EDNRA: variants seen among roughly 807,000 people sequenced by gnomAD.
The protein encoded by EDNRA is endothelin receptor type A, also known as endothelin-1 receptor.
In EDNRA, 11 loss-of-function variants were observed where a neutral mutation model predicts 41.4. That is an observed-to-expected ratio of 0.27 (90% confidence interval 0.17 to 0.44). The LOEUF (loss-of-function observed/expected upper bound fraction) is 0.44. Ranked by LOEUF, EDNRA falls within the 20% of genes least tolerant of loss-of-function variation. The probability of loss-of-function intolerance (pLI) is 1.00; values close to 1 mark genes in which losing one functional copy is unlikely to be tolerated. For missense variants in EDNRA, 294 were observed against 531.0 expected (o/e 0.55, Z 4.39); for synonymous variants, 172 against 183.0 (o/e 0.94, Z 0.49).
intron 2 of EDNRA, among the ~76,000 whole-genome samples, chr4:147,499,381 A>C (rs10024734): frequency 0.052 from 7,886 of 152,248 alleles, 673 homozygotes; most frequent in African/African-American, 0.18. Context: ...GTATTTGAAA[A>C]AAATAAATAA....
intron 2 of EDNRA, among the ~76,000 whole-genome samples, chr4:147,497,149 C>CTTTTT (rs11330586): frequency 8.1e-4 from 61 of 75,056 alleles, no homozygotes; most frequent in African/African-American, 1.5e-3. Flanking sequence ...TAGAATTCTT[C>CTTTTT]TTTTTTTTTT....
chr4:147,523,499 T>G (rs1578804369), intron 3 of EDNRA, among the ~76,000 whole-genome samples: 2 of 148,208 alleles, frequency 1.3e-5, no homozygotes, highest in African/African-American at 2.5e-5. Context: ...TTTTTTTTGT[T>G]TTTTTTTTTG....
chr4:147,506,505 A>G (rs1443978466), intron 2 of EDNRA: 1 of 304,678 alleles, frequency 3.3e-6, no homozygotes, highest in African/African-American at 2.2e-5. Context: ...TAATCAATAC[A>G]ATACTGAATG....
At position 147,542,475 on chromosome 4, in the gene EDNRA, C is replaced by T. The variant is rs373752654; in HGVS notation, c.1144-3C>T. 1 of 1,614,126 alleles carries T rather than the reference C, an allele frequency of 6.2e-7. No homozygotes were observed. ...CTTACTTCGAGTCTGTTCCTTCCCCCAGTCATGCCTCTGCTGCTGCTGTTA... is the reference window on the plus strand; with the variant it reads ...CTTACTTCGAGTCTGTTCCTTCCCCTAGTCATGCCTCTGCTGCTGCTGTTA... On this transcript the variant is annotated splice_region_variant and splice_polypyrimidine_tract_variant and intron_variant, in intron 7 of 7. Coordinates refer to ENST00000651419, the MANE Select transcript of EDNRA (RefSeq NM_001957.4).
chr4:147,505,327 A>ATTTTTTTTTTTTTTTTTTTT lies in EDNRA; in HGVS notation c.421-14515_421-14496dup, dbSNP rs869077171. Among the ~76,000 whole-genome samples the ATTTTTTTTTTTTTTTTTTTT allele has an allele frequency of 2.5e-4, 20 of 79,686 alleles. 1 individual carries two copies. Among genetic ancestry groups the ATTTTTTTTTTTTTTTTTTTT allele is most frequent in the African/African-American group, 6.9e-4 (13 of 18,900 alleles). The allele number at this position is 79,686 out of a possible 152,430, so 52.3% of individuals were successfully genotyped here. A position where few individuals can be genotyped will look rare whatever the true frequency, so the allele number is the denominator to read the frequency against. ...AGAGAGTTTGGCAGTTTCTTTTTTCATTTTTTTTTTTTTTTTTTTTTTTTT... is the reference window on the plus strand; with the variant it reads ...AGAGAGTTTGGCAGTTTCTTTTTTCATTTTTTTTTTTTTTTTTTTTTTTTTTTTTTTTTTTTTTTTTTTTT... On this transcript the variant is annotated intron_variant, in intron 2 of 7. Coordinates refer to ENST00000651419, the MANE Select transcript of EDNRA (RefSeq NM_001957.4).
chr4:147,511,236 T>A (rs1010871032), intron 2 of EDNRA, among the ~76,000 whole-genome samples: 1 of 152,216 alleles, frequency 6.6e-6, no homozygotes, highest in Non-Finnish European at 1.5e-5. Context: ...ATCTGAAGTT[T>A]CATAATATGA....
chr4:147,510,038 G>A (rs956137376), intron 2 of EDNRA, among the ~76,000 whole-genome samples: 1 of 152,060 alleles, frequency 6.6e-6, no homozygotes, highest in Non-Finnish European at 1.5e-5. Flanking sequence ...TCCCATCCAA[G>A]TGTAAAATGC....
chr4:147,499,740 GA>G (rs1729442456), intron 2 of EDNRA, among the ~76,000 whole-genome samples: 1 of 146,128 alleles, frequency 6.8e-6, no homozygotes, highest in Non-Finnish European at 1.5e-5. Flanking sequence ...AGATGATGAA[GA>G]TTTTTCATTT....
At chr4:147,520,158 C>A (rs866644993) in intron 3 of EDNRA, among the ~76,000 whole-genome samples, 180 bp downstream of exon 3, 6 of 152,136 alleles carry the variant, frequency 3.9e-5, no homozygotes, top group African/African-American at 1.2e-4. Context: ...TGATTATTAG[C>A]CATCTTTGGC....
At chr4:147,506,188 C>A in intron 2 of EDNRA, 1 of 526,076 alleles carries the variant, frequency 1.9e-6, no homozygotes, top group Non-Finnish European at 3.8e-6. Context: ...ACTGAGGTGT[C>A]ATTTACTTTG....
chr4:147,518,839 AGAAAG>A (rs1345599724), intron 2 of EDNRA, among the ~76,000 whole-genome samples: 14 of 152,362 alleles, frequency 9.2e-5, no homozygotes, highest in African/African-American at 2.6e-4. Context: ...GCAAAAAATT[AGAAAG>A]GAAATCAATA....
chr4:147,513,061 G>A (rs1034533828), intron 2 of EDNRA, among the ~76,000 whole-genome samples: 2 of 152,138 alleles, frequency 1.3e-5, no homozygotes, highest in East Asian at 1.9e-4. Flanking sequence ...AAAGGTTAAC[G>A]AGCATGCCAA....
intron 2 of EDNRA, among the ~76,000 whole-genome samples, chr4:147,501,167 AT>A (rs1211936315): frequency 6.6e-6 from 1 of 152,224 alleles, no homozygotes; most frequent in Non-Finnish European, 1.5e-5. Flanking sequence ...AATGAAGTAT[AT>A]TTTTCTTAGC....
chr4:147,493,359 T>C (rs1242790733), intron 2 of EDNRA: 1 of 148,130 alleles, frequency 6.8e-6, no homozygotes, highest in Non-Finnish European at 1.5e-5. Flanking sequence ...GAAGTATTTC[T>C]ATAGGGTAGT....
rs869077171 is a variant in EDNRA at position 147,505,327 on chromosome 4, A to ATT, written c.421-14497_421-14496dup. Among the ~76,000 whole-genome samples the ATT allele has an allele frequency of 1.0e-3, 82 of 79,684 alleles. 2 individuals carry two copies. The highest frequency in any genetic ancestry group is 5.3e-3 in the East Asian group (14 of 2,646). 52.3% of individuals were successfully genotyped at this position (79,684 alleles called of 152,430 possible). The stretch of plus-strand genomic sequence containing the variant: ...AGAGAGTTTGGCAGTTTCTTTTTTC[A>ATT]TTTTTTTTTTTTTTTTTTTTTTTTT... On this transcript the variant is annotated intron_variant, in intron 2 of 7. Transcript: ENST00000651419.
chr4:147,508,781 ACTTT>A (rs1336488605), intron 2 of EDNRA, among the ~76,000 whole-genome samples: 6 of 152,114 alleles, frequency 3.9e-5, no homozygotes, highest in Admixed American at 6.5e-5. Flanking sequence ...TTGTATCTGG[ACTTT>A]CTTTCTGGTC....
intron 2 of EDNRA, chr4:147,491,545 T>C (rs1272060264): frequency 2.6e-5 from 4 of 152,270 alleles, no homozygotes; most frequent in South Asian, 2.1e-4. Context: ...ATCTGAGATA[T>C]TCAAATTAAA....
intron 3 of EDNRA, among the ~76,000 whole-genome samples, chr4:147,528,054 G>T (rs1255802171): frequency 6.6e-6 from 1 of 152,190 alleles, no homozygotes; most frequent in Non-Finnish European, 1.5e-5. Flanking sequence ...AGAATGTAGT[G>T]TGCTATTAGC....
At chr4:147,530,810 AT>A (rs1730715435) in intron 3 of EDNRA, among the ~76,000 whole-genome samples, 1 of 152,160 alleles carries the variant, frequency 6.6e-6, no homozygotes. Context: ...CCTTGGCTTT[AT>A]TGATTAATCT....
Sources: allele counts gnomAD v4.1 joint callset (sites outside exome capture counted in the v4.1 genomes callset), GRCh38; gene constraint gnomAD v4.1.1; transcripts MANE v1.5; gene names NCBI Gene and HGNC (gene_info 2026-07-23, HGNC 2026-07-21).